The following COL20A1 variants were observed in gnomAD, a reference collection of about 807,000 sequenced individuals.
COL20A1 encodes collagen alpha-1(XX) chain.
Under a neutral mutation model 152.9 loss-of-function variants are expected in COL20A1, and 164 were observed. That is an observed-to-expected ratio of 1.07 (90% CI 0.94 to 1.22). The LOEUF (loss-of-function observed/expected upper bound fraction) is 1.22. COL20A1 is among the 50% of genes most tolerant of loss of function. COL20A1 has a pLI of 0.00. For synonymous variants in COL20A1, 864 were observed against 756.0 expected (o/e 1.14, Z -2.34); for missense variants, 1,873 against 1,744.8 (o/e 1.07, Z -1.31).
chr20:63,326,903 G>A (rs1223015738), intron 31 of COL20A1, 80 bp downstream of exon 31: 1 of 1,002,426 alleles, frequency 1.0e-6, no homozygotes, highest in Non-Finnish European at 1.4e-6. Context: ...ACCACTCAGG[G>A]ACTTCCTACT....
Position 63,319,431 on chromosome 20 carries a change from G to T in COL20A1, c.2807-56G>T. ...TGTCGTGGGGGCCGCCCTGCTCAAGGTATAGGCCCGGCTGGTTGCAGCCCG... is the reference window on the plus strand; with the variant it reads ...TGTCGTGGGGGCCGCCCTGCTCAAGTTATAGGCCCGGCTGGTTGCAGCCCG... On this transcript the variant is annotated intron_variant, in intron 22 of 35. Transcript: ENST00000358894. The surrounding 1 kb of genome is among the most constrained non-coding windows in gnomAD (Gnocchi z 4.4). The T allele has an allele frequency of 7.3e-7, 1 of 1,375,474 alleles. No individual in the cohort carries two copies. The highest frequency in any genetic ancestry group is 1.0e-6 in the Non-Finnish European group (1 of 992,620). The allele number at this position is 1,375,474 out of a possible 1,614,324, so 85.2% of individuals were successfully genotyped here. A position where few individuals can be genotyped will look rare whatever the true frequency, so the allele number is the denominator to read the frequency against.
Position 63,322,600 on chromosome 20 carries a change from G to T in COL20A1, c.3294+489G>T, listed in dbSNP as rs116351059. Among the ~76,000 whole-genome samples, 1,324 of 152,354 alleles carry T rather than the reference G, an allele frequency of 8.7e-3. 25 individuals are homozygous for T. The highest frequency in any genetic ancestry group is 0.03 in the African/African-American group (1,249 of 41,588). ...AGGTGTTTCGGGGGCGGAGGTTCTGGTTCTGCGGAGAGGGATGTTGAAGAC... is the reference window on the plus strand; with the variant it reads ...AGGTGTTTCGGGGGCGGAGGTTCTGTTTCTGCGGAGAGGGATGTTGAAGAC... On this transcript the variant is annotated intron_variant, in intron 27 of 35. Coordinates refer to ENST00000358894, the MANE Select transcript of COL20A1 (RefSeq NM_020882.4).
intron 19 of COL20A1, 134 bp from the exon 20 acceptor site, chr20:63,315,270 C>A: frequency 1.1e-6 from 1 of 883,506 alleles, no homozygotes; most frequent in Non-Finnish European, 1.8e-6. Flanking sequence ...GCAGATGGGA[C>A]ATAGCACAGT....
Position 63,311,908 on chromosome 20 carries a change from C to T in COL20A1, c.1664-8C>T, listed in dbSNP as rs2068012793. On this transcript the variant is annotated splice_region_variant and splice_polypyrimidine_tract_variant and intron_variant, in intron 13 of 35. Coordinates refer to ENST00000358894, the MANE Select transcript of COL20A1 (RefSeq NM_020882.4). The surrounding 1 kb of genome is among the most constrained non-coding windows in gnomAD (Gnocchi z 4.4). The stretch of plus-strand genomic sequence containing the variant: ...GTGCTGGCCTTGAGGCTCTGCTGTG[C>T]TTTGCAGCCACCCTGGCCCCCCCGA... 2 of 1,538,902 alleles carry T rather than the reference C, an allele frequency of 1.3e-6. No individual in the cohort carries two copies. The highest frequency in any genetic ancestry group is 1.7e-6 in the Non-Finnish European group (2 of 1,145,634).
Position 63,306,557 on chromosome 20 carries a change from G to A in COL20A1, c.496+518G>A, listed in dbSNP as rs993871850. On this transcript the variant is annotated intron_variant, in intron 5 of 35. Transcript: ENST00000358894. This position sits in a 1 kb window ranked among gnomAD's most constrained non-coding sequence, Gnocchi z 6.9. ...CAGGAGTGGGATCAGGAGCAGAGCT[G>A]GTCCGGGGGCCCTGGAGGGAGGGCC... Among the ~76,000 whole-genome samples the A allele has an allele frequency of 2.3e-4, 35 of 152,218 alleles. No individual in the cohort carries two copies. Among genetic ancestry groups the A allele is most frequent in the African/African-American group, 8.4e-4 (35 of 41,452 alleles).
At chr20:63,302,541 G>C (rs7263455) in intron 3 of COL20A1, among the ~76,000 whole-genome samples, 2 of 151,822 alleles carry the variant, frequency 1.3e-5, no homozygotes, top group East Asian at 3.9e-4. Flanking sequence ...GGCTGGTCTC[G>C]AACTCCTGAC....
rs2068009946 is a variant in COL20A1, at chr20:63,311,750, T to A, written c.1663+2T>A. 1 of 1,589,342 alleles carries A rather than the reference T, an allele frequency of 6.3e-7. No homozygotes were observed. Among genetic ancestry groups the A allele is most frequent in the Non-Finnish European group, 8.5e-7 (1 of 1,173,398 alleles). On this transcript the variant is annotated splice_donor_variant, in intron 13 of 35. Transcript: ENST00000358894. LOFTEE classifies it high-confidence loss of function. The surrounding 1 kb of genome is among the most constrained non-coding windows in gnomAD (Gnocchi z 4.4). ...CCCGGGGCATCCGTGCCAGGACCCG[T>A]GAGTGCTCCAACCCCGGCTGCCTGC...
At position 63,313,345 on chromosome 20, in the gene COL20A1, T is replaced by A; in HGVS notation, c.2209+96T>A. On this transcript the variant is annotated intron_variant, in intron 17 of 35. Coordinates refer to ENST00000358894, the MANE Select transcript of COL20A1 (RefSeq NM_020882.4). The surrounding 1 kb of genome is among the most constrained non-coding windows in gnomAD (Gnocchi z 5.9). The stretch of plus-strand genomic sequence containing the variant: ...GCTGCACAGGCCCAGGACCCTAGAC[T>A]CCCAGAACTGCTGGCTCCAGAGCCC... 7.5e-7 allele frequency: 1 copy of A among 1,336,786 alleles called. No individual in the cohort carries two copies. The highest frequency in any genetic ancestry group is 1.0e-6 in the Non-Finnish European group (1 of 983,148). 82.8% of individuals were successfully genotyped at this position (1,336,786 alleles called of 1,614,324 possible). A position where few individuals can be genotyped will look rare whatever the true frequency, so the allele number is the denominator to read the frequency against.
intron 6 of COL20A1, 54 bp from the exon 7 acceptor site, chr20:63,307,917 C>G: frequency 6.3e-7 from 1 of 1,599,026 alleles, no homozygotes; most frequent in Non-Finnish European, 8.5e-7. Context: ...TGCCAAGCTC[C>G]CTGGGCATCT....
intron 27 of COL20A1, 93 bp from the exon 28 acceptor site, chr20:63,325,348 C>A: frequency 3.1e-6 from 3 of 964,228 alleles, no homozygotes; most frequent in Non-Finnish European, 5.0e-6. Context: ...CAGGGCCGTG[C>A]AGTCCAGGGG....
rs1209838121 is a variant in COL20A1 at position 63,315,492 on chromosome 20, TC to T, written c.2524+55del. On this transcript the variant is annotated intron_variant, in intron 20 of 35. Transcript: ENST00000358894. The stretch of plus-strand genomic sequence containing the variant: ...GCCCACCCACAGTCTCTCGGGCTCT[TC>T]CTGGGCGTGGGGGCCAAGGGTGTCG... 1.3e-5 allele frequency: 19 copies of T among 1,489,238 alleles called. No individual in the cohort carries two copies. In the Admixed American group the frequency reaches 3.4e-4, roughly 27 times the overall value. 92.3% of individuals were successfully genotyped at this position (1,489,238 alleles called of 1,614,324 possible). A position where few individuals can be genotyped will look rare whatever the true frequency, so the allele number is the denominator to read the frequency against.
Position 63,306,471 on chromosome 20 carries a change from C to A in COL20A1, c.496+432C>A, listed in dbSNP as rs148397064. Among the ~76,000 whole-genome samples, 857 of 152,374 alleles carry A rather than the reference C, an allele frequency of 5.6e-3. 9 individuals are homozygous for A. Among genetic ancestry groups the A allele is most frequent in the African/African-American group, 0.019 (808 of 41,586 alleles). ...GAGCAGGTGGTCCCACTACCTCTGA[C>A]CCCTTTGGGAACCTCCAGCCTGGGT... On this transcript the variant is annotated intron_variant, in intron 5 of 35. Transcript: ENST00000358894. This position sits in a 1 kb window ranked among gnomAD's most constrained non-coding sequence, Gnocchi z 6.9.
chr20:63,316,150 G>A (rs1163053958), intron 20 of COL20A1, among the ~76,000 whole-genome samples: 4 of 152,150 alleles, frequency 2.6e-5, no homozygotes, highest in Admixed American at 6.5e-5. Flanking sequence ...GACCCTGGGC[G>A]GGCGGGGGAC....
At chr20:63,323,762 C>A (rs904185122) in intron 27 of COL20A1, among the ~76,000 whole-genome samples, 12 of 152,342 alleles carry the variant, frequency 7.9e-5, no homozygotes, top group African/African-American at 2.9e-4. Context: ...TTACAGATTT[C>A]TTTAAGATGT....
intron 26 of COL20A1, 58 bp downstream of exon 26, chr20:63,321,157 C>A: frequency 2.5e-6 from 3 of 1,185,386 alleles, no homozygotes; most frequent in Non-Finnish European, 2.4e-6. Flanking sequence ...TGTATTGCTG[C>A]CACTGGTGGA....
rs1047813210 is a variant in COL20A1, at chr20:63,312,865, C to T, written c.2007C>T (p.Ala669=). 2.6e-5 allele frequency: 40 copies of T among 1,556,886 alleles called. No homozygotes were observed. The highest frequency in any genetic ancestry group is 4.8e-5 in the East Asian group (2 of 41,470). Residue 669 remains alanine, a synonymous_variant, in exon 16 of 36, where the codon GCC becomes GCT. Transcript: ENST00000358894. ...PGDAVQLAWV[A]AAPSGVLVYQ... ...ATGCAGTCCAGCTGGCGTGGGTGGC[C>T]GCAGCCCCGTCTGGCGTGCTTGTCT...
At chr20:63,297,190 C>T (rs944091030) in intron 2 of COL20A1, among the ~76,000 whole-genome samples, 2 of 152,234 alleles carry the variant, frequency 1.3e-5, no homozygotes, top group Admixed American at 1.3e-4. Context: ...GTGACCTTGG[C>T]AGCTAGGGGT....
At chr20:63,315,365 G>A in intron 19 of COL20A1, 39 bp from the exon 20 acceptor site, 1 of 1,551,088 alleles carries the variant, frequency 6.4e-7, no homozygotes, top group Non-Finnish European at 8.7e-7. Flanking sequence ...TGGAGGCTGG[G>A]CCGCTCCCAC....
chr20:63,305,602 CCG>C lies in COL20A1; in HGVS notation c.337+43_337+44del. The C allele has an allele frequency of 6.5e-7, 1 of 1,546,054 alleles. No homozygotes were observed. Among genetic ancestry groups the C allele is most frequent in the Non-Finnish European group, 8.7e-7 (1 of 1,147,832 alleles). On this transcript the variant is annotated intron_variant, in intron 4 of 35. Transcript: ENST00000358894. The surrounding 1 kb of genome is among the most constrained non-coding windows in gnomAD (Gnocchi z 4.9). ...CCAGCTGGGTACCCACTCCTCCAGG[CCG>C]GGTCCCACCCTCCTCTGGGCTGGGG...
Sources: gnomAD v4.1 joint callset for allele counts (sites outside exome capture counted in the v4.1 genomes callset) on GRCh38, gnomAD v4.1.1 for gene constraint, Gnocchi (gnomAD v3.1) non-coding constraint, MANE v1.5 for transcripts, NCBI Gene and HGNC (gene_info 2026-07-23, HGNC 2026-07-21) for gene names.